PDPN: variants seen among roughly 807,000 people sequenced by gnomAD.
The protein encoded by PDPN is PA2.26 antigen.
Under a neutral mutation model 23.2 loss-of-function variants are expected in PDPN, and 12 were observed. The observed-to-expected ratio is 0.52, with a 90% CI of 0.33 to 0.84. The LOEUF (loss-of-function observed/expected upper bound fraction) is 0.84. PDPN is among the 40% of genes least tolerant of loss of function. PDPN has a pLI of 0.02. For missense variants in PDPN, 199 were observed against 212.2 expected, an observed-to-expected ratio of 0.94 and a Z score of 0.39; for synonymous variants, 77 against 76.7, an observed-to-expected ratio of 1.00 and a Z score of -0.02.
chr1:13,613,569 C>T (rs975066239), intron 3 of PDPN, 118 bp from the exon 4 acceptor site: 7 of 657,680 alleles, frequency 1.1e-5, no homozygotes, highest in South Asian at 1.8e-5. Flanking sequence ...TTTAAGAAGC[C>T]ATCCTCTTGG....
At chr1:13,589,877 G>A (rs1297297238) in intron 1 of PDPN, among the ~76,000 whole-genome samples, 1 of 152,202 alleles carries the variant, frequency 6.6e-6, no homozygotes, top group Non-Finnish European at 1.5e-5. Flanking sequence ...GCCCAGGCTG[G>A]AGTGCAGTGG....
chr1:13,583,776 C>A (rs765459650), upstream of PDPN: 10 of 1,511,186 alleles, frequency 6.6e-6, no homozygotes, highest in Middle Eastern at 1.8e-4. Flanking sequence ...TGCGGCCGAC[C>A]CCGCTCCCCC....
intron 3 of PDPN, among the ~76,000 whole-genome samples, chr1:13,611,944 C>T (rs959230584): frequency 5.3e-5 from 8 of 152,126 alleles, no homozygotes; most frequent in Non-Finnish European, 7.3e-5. Context: ...TCATTTGTAA[C>T]GTGGGTTGAC....
At position 13,615,895 on chromosome 1, in the gene PDPN, A is replaced by C; in HGVS notation, c.483-10A>C. 1 of 1,612,994 alleles carries C rather than the reference A, an allele frequency of 6.2e-7. No individual in the cohort carries two copies. The highest frequency in any genetic ancestry group is 8.5e-7 in the Non-Finnish European group (1 of 1,179,038). ...AGAGACACGACCGTCACCCTTCTCT[A>C]TTTTCACAGGCCCTAAAGAGCTGAA... On this transcript the variant is annotated splice_polypyrimidine_tract_variant and intron_variant, in intron 5 of 5. Coordinates refer to ENST00000621990, the MANE Select transcript of PDPN (RefSeq NM_006474.5).
rs554036963 is a variant in PDPN at position 13,613,572 on chromosome 1, C to T, written c.332-115C>T. On this transcript the variant is annotated intron_variant, in intron 3 of 5. Coordinates refer to ENST00000621990, the MANE Select transcript of PDPN (RefSeq NM_006474.5). ...GGATCCAATTTATTTAAGAAGCCAT[C>T]CTCTTGGTTTATGTTTTGCTGCTTT... The T allele has an allele frequency of 7.2e-5, 48 of 664,940 alleles. No homozygotes were observed. The East Asian group carries it at 1.3e-3, about 19-fold the overall frequency. 41.2% of individuals were successfully genotyped at this position (664,940 alleles called of 1,614,324 possible).
chr1:13,583,937 C>T lies in PDPN; in HGVS notation c.-97C>T, dbSNP rs199557731. ...CTCCGGCCCCCCCACCGTCGCGCTC[C>T]TCCAGGCTGGGCCTGTGGCCGCGGT... On this transcript the variant is annotated 5_prime_UTR_variant, in exon 1 of 6. Coordinates refer to ENST00000621990, the MANE Select transcript of PDPN (RefSeq NM_006474.5). 6.2e-6 allele frequency: 10 copies of T among 1,613,556 alleles called. No homozygotes were observed. Among genetic ancestry groups the T allele is most frequent in the Non-Finnish European group, 8.5e-6 (10 of 1,179,962 alleles).
chr1:13,613,623 C>A, intron 3 of PDPN, 64 bp from the exon 4 acceptor site: 2 of 808,896 alleles, frequency 2.5e-6, no homozygotes, highest in Non-Finnish European at 4.2e-6. Flanking sequence ...CATCTTTTGC[C>A]AGTTGTTAAA....
At chr1:13,590,194 A>G (rs1042258443) in intron 1 of PDPN, among the ~76,000 whole-genome samples, 3 of 152,238 alleles carry the variant, frequency 2.0e-5, no homozygotes, top group African/African-American at 7.2e-5. Context: ...TTGCATACAT[A>G]ATGCTGATGA....
At chr1:13,598,825 G>T (rs1178921430) in intron 1 of PDPN, among the ~76,000 whole-genome samples, 1 of 152,124 alleles carries the variant, frequency 6.6e-6, no homozygotes, top group Non-Finnish European at 1.5e-5. Context: ...CGAGTGCCTG[G>T]TATGTGCCAG....
At chr1:13,596,976 G>A (rs562504036) in intron 1 of PDPN, among the ~76,000 whole-genome samples, 22 of 152,252 alleles carry the variant, frequency 1.4e-4, no homozygotes, top group South Asian at 8.3e-4. Flanking sequence ...TCTACTGTTC[G>A]GGGTGTGTTT....
At chr1:13,584,136 G>A in intron 1 of PDPN, 36 bp downstream of exon 1, 1 of 1,605,714 alleles carries the variant, frequency 6.2e-7, no homozygotes. Flanking sequence ...TGCCGTCGCT[G>A]ATGGGGACGA....
chr1:13,602,632 G>A (rs904881509), intron 1 of PDPN, among the ~76,000 whole-genome samples: 2 of 151,724 alleles, frequency 1.3e-5, no homozygotes. Context: ...GTTCAGTCTC[G>A]GCTCACTGCA....
Position 13,615,944 on chromosome 1 carries a change from G to A in PDPN, c.*33G>A. ...AAGGGTTACGCCCTGCTGCCAACGT[G>A]CTTAAAAAAAGACCGTTTCTGACTC... On this transcript the variant is annotated 3_prime_UTR_variant, in exon 6 of 6. Coordinates refer to ENST00000621990, the MANE Select transcript of PDPN (RefSeq NM_006474.5). The A allele has an allele frequency of 1.2e-6, 2 of 1,607,198 alleles. No homozygotes were observed. The highest frequency in any genetic ancestry group is 1.7e-6 in the Non-Finnish European group (2 of 1,173,834).
chr1:13,585,399 C>T (rs1486440790), intron 1 of PDPN: 2 of 969,892 alleles, frequency 2.1e-6, no homozygotes, highest in Admixed American at 6.9e-5. Flanking sequence ...CGTAGCAGTC[C>T]TATCTTTGGA....
chr1:13,595,006 AAAG>A lies in PDPN; in HGVS notation c.67+10909_67+10911del, dbSNP rs1206465765. 6.9e-5 allele frequency among the ~76,000 whole-genome samples: 10 copies of A among 145,306 alleles called. No homozygotes were observed. The East Asian group carries it at 1.2e-3, about 18-fold the overall frequency. Reference sequence around the variant, plus strand: ...CGAGACTCCTTCTCAAAAAAAAAAAAAAGAAAGAAAGAAAAAAAAAACGAGAGC... The same window carrying A: ...CGAGACTCCTTCTCAAAAAAAAAAAAAAAGAAAGAAAAAAAAAACGAGAGC... On this transcript the variant is annotated intron_variant, in intron 1 of 5. Coordinates refer to ENST00000621990, the MANE Select transcript of PDPN (RefSeq NM_006474.5).
At chr1:13,613,761 G>C (rs1307701552) in intron 4 of PDPN, 36 bp downstream of exon 4, 1 of 1,257,512 alleles carries the variant, frequency 8.0e-7, no homozygotes, top group South Asian at 1.2e-5. Context: ...ACTCTTACTG[G>C]GGTTTTTTAA....
intron 2 of PDPN, 75 bp downstream of exon 2, chr1:13,607,381 T>A: frequency 9.4e-7 from 1 of 1,066,578 alleles, no homozygotes; most frequent in Non-Finnish European, 1.3e-6. Flanking sequence ...TATATTAATT[T>A]ACTTTATATA....
In PDPN at chr1:13,614,390, G is replaced by A. The variant is rs147446446; in HGVS notation, c.461G>A (p.Arg154Gln). The A allele has an allele frequency of 4.3e-5, 69 of 1,586,912 alleles. No homozygotes were observed. Among genetic ancestry groups the A allele is most frequent in the Admixed American group, 2.2e-4 (13 of 59,918 alleles). Reference sequence around the variant, plus strand: ...GGTGCAATCATCGTTGTGGTTATGCGAAAAATGTCGGGAAGGTACTCGTAA... The same window carrying A: ...GGTGCAATCATCGTTGTGGTTATGCAAAAAATGTCGGGAAGGTACTCGTAA... Reference protein sequence around the residue: ...FIGAIIVVVMRKMSGRYSP With the variant: ...FIGAIIVVVMQKMSGRYSP Residue 154 changes from arginine (R) to glutamine (Q), a missense_variant, in exon 5 of 6, where the codon CGA becomes CAA. Physicochemically the swap from Arg to Gln is conservative, Grantham distance 43. Coordinates refer to ENST00000621990, the MANE Select transcript of PDPN (RefSeq NM_006474.5).
chr1:13,588,664 T>TA (rs1640250271), intron 1 of PDPN, among the ~76,000 whole-genome samples: 4 of 147,090 alleles, frequency 2.7e-5, no homozygotes, highest in South Asian at 2.1e-4. Flanking sequence ...TTTACATATA[T>TA]ATAAAATATA....
Sources: gnomAD v4.1 joint callset for allele counts (sites outside exome capture counted in the v4.1 genomes callset) on GRCh38, gnomAD v4.1.1 for gene constraint, MANE v1.5 for transcripts, NCBI Gene and HGNC (gene_info 2026-07-23, HGNC 2026-07-21) for gene names.